DSCAM: variants seen among roughly 807,000 people sequenced by gnomAD.
The protein encoded by DSCAM is cell adhesion molecule DSCAM.
In DSCAM, 47 loss-of-function variants were observed where a neutral mutation model predicts 217.7. The observed-to-expected ratio is 0.22, with a 90% confidence interval of 0.17 to 0.28. The LOEUF (loss-of-function observed/expected upper bound fraction) is 0.28. DSCAM is among the 10% of genes least tolerant of loss of function. The pLI, the probability that DSCAM is intolerant of heterozygous loss-of-function variation, is 1.00. For synonymous variants in DSCAM, 1,056 were observed against 1,015.3 expected (o/e 1.04, Z -0.76); for missense variants, 2,080 against 2,618.3 (o/e 0.79, Z 4.49).
At chr21:40,392,765 A>C (rs937108324) in intron 3 of DSCAM, among the ~76,000 whole-genome samples, 2 of 152,208 alleles carry the variant, frequency 1.3e-5, no homozygotes, top group Admixed American at 6.5e-5. Context: ...ATAAAGGACC[A>C]AAGAGCAGTA....
chr21:40,415,196 A>G (rs1218229243), intron 3 of DSCAM, among the ~76,000 whole-genome samples: 2 of 152,218 alleles, frequency 1.3e-5, no homozygotes, highest in African/African-American at 4.8e-5. Flanking sequence ...AAAGCTCTGT[A>G]TTTATATTTA....
At chr21:40,577,514 C>T (rs2076862762) in intron 3 of DSCAM, among the ~76,000 whole-genome samples, 1 of 152,090 alleles carries the variant, frequency 6.6e-6, no homozygotes, top group Non-Finnish European at 1.5e-5. Context: ...GGCTCTCGCC[C>T]AGTGGCGTTA....
At chr21:40,298,995 C>A (rs1221563038) in intron 9 of DSCAM, among the ~76,000 whole-genome samples, 1 of 152,016 alleles carries the variant, frequency 6.6e-6, no homozygotes. Context: ...TACCCCGTAT[C>A]ATTGAAAACT....
At chr21:40,338,797 A>G (rs2123589739) in intron 7 of DSCAM, among the ~76,000 whole-genome samples, 1 of 152,320 alleles carries the variant, frequency 6.6e-6, no homozygotes, top group South Asian at 2.1e-4. Context: ...GTTTAATACC[A>G]TGTACATGAA....
At chr21:40,477,315 A>G (rs1379039293) in intron 3 of DSCAM, among the ~76,000 whole-genome samples, 1 of 152,190 alleles carries the variant, frequency 6.6e-6, no homozygotes, top group Non-Finnish European at 1.5e-5. Flanking sequence ...AAGAAAAGGA[A>G]AAGAAATAGG....
chr21:40,602,779 T>C (rs1483079861), intron 3 of DSCAM, among the ~76,000 whole-genome samples: 2 of 152,098 alleles, frequency 1.3e-5, no homozygotes, highest in Non-Finnish European at 2.9e-5. Flanking sequence ...AAGAACCAGA[T>C]TTTAGTTTTG....
chr21:40,165,626 A>C (rs1260957136), intron 16 of DSCAM, among the ~76,000 whole-genome samples: 1 of 152,228 alleles, frequency 6.6e-6, no homozygotes, highest in African/African-American at 2.4e-5. Flanking sequence ...AATGCCTTTT[A>C]AAGCCTCAGA....
At chr21:40,728,330 C>T (rs772340960) in intron 1 of DSCAM, among the ~76,000 whole-genome samples, 3 of 152,150 alleles carry the variant, frequency 2.0e-5, no homozygotes, top group Non-Finnish European at 2.9e-5. Flanking sequence ...ACTTCTTGAA[C>T]ACAAGACTGT....
At position 40,307,625 on chromosome 21, in the gene DSCAM, C is replaced by T. The variant is rs564901776; in HGVS notation, c.2062+4456G>A. ...TATAAATCATGCTGCTATAAAGACA[C>T]ATGCACACGTATGTTTATTGAGGCA... On this transcript the variant is annotated intron_variant, in intron 9 of 32. Transcript: ENST00000400454. 3.3e-5 allele frequency among the ~76,000 whole-genome samples: 5 copies of T among 152,280 alleles called. No individual in the cohort carries two copies. The East Asian group carries it at 5.8e-4, about 18-fold the overall frequency.
In DSCAM at chr21:40,415,977, G is replaced by A. The variant is rs115593166; in HGVS notation, c.509-46732C>T. Among the ~76,000 whole-genome samples the A allele has an allele frequency of 6.1e-3, 927 of 152,222 alleles. 9 individuals are homozygous for A. Among genetic ancestry groups the A allele is most frequent in the African/African-American group, 0.02 (835 of 41,514 alleles). On this transcript the variant is annotated intron_variant, in intron 3 of 32. Coordinates refer to ENST00000400454, the MANE Select transcript of DSCAM (RefSeq NM_001389.5). ...AAAGGTTGGGAACTACAGGCACACA[G>A]GATTACTTCAAACTTCCAAAATAGG...
chr21:40,719,530 A>G (rs2090879483), intron 1 of DSCAM, among the ~76,000 whole-genome samples: 1 of 152,256 alleles, frequency 6.6e-6, no homozygotes, highest in Admixed American at 6.5e-5. Flanking sequence ...ACGTTGTAAC[A>G]GTCACAAACT....
intron 1 of DSCAM, among the ~76,000 whole-genome samples, chr21:40,804,546 G>A (rs2091769516): frequency 6.6e-6 from 1 of 151,774 alleles, no homozygotes; most frequent in Non-Finnish European, 1.5e-5. Flanking sequence ...ACACCTTCCT[G>A]GAGAAGATGA....
At chr21:40,521,707 G>C (rs2076360554) in intron 3 of DSCAM, among the ~76,000 whole-genome samples, 1 of 152,134 alleles carries the variant, frequency 6.6e-6, no homozygotes, top group African/African-American at 2.4e-5. Context: ...GGGGTAAGGA[G>C]TAGGAATAGG....
At chr21:40,107,332 G>A (rs950471629) in intron 20 of DSCAM, among the ~76,000 whole-genome samples, 6 of 152,126 alleles carry the variant, frequency 3.9e-5, no homozygotes, top group Non-Finnish European at 7.4e-5. Flanking sequence ...GCTGTGGTCT[G>A]AGAGACTGTT....
chr21:40,629,405 C>T (rs955684553), intron 3 of DSCAM: 4 of 152,150 alleles, frequency 2.6e-5, no homozygotes, highest in African/African-American at 9.7e-5. Context: ...TCCAGTTAAA[C>T]GATACCCAAA....
intron 15 of DSCAM, among the ~76,000 whole-genome samples, chr21:40,168,914 A>G (rs776141687): frequency 6.6e-6 from 1 of 152,098 alleles, no homozygotes; most frequent in Non-Finnish European, 1.5e-5. Flanking sequence ...TTCTCTCTAT[A>G]TATAATGGGC....
At chr21:40,776,006 T>C (rs1390135521) in intron 1 of DSCAM, among the ~76,000 whole-genome samples, 2 of 152,190 alleles carry the variant, frequency 1.3e-5, no homozygotes, top group Non-Finnish European at 2.9e-5. Flanking sequence ...TTTTAGCCTG[T>C]TTCTTTATGA....
At chr21:40,252,490 G>A (rs987649137) in intron 11 of DSCAM, among the ~76,000 whole-genome samples, 1 of 152,084 alleles carries the variant, frequency 6.6e-6, no homozygotes, top group East Asian at 1.9e-4. Flanking sequence ...TCTTGAGTAG[G>A]AAAAAGAGAA....
At chr21:40,264,993 A>G (rs1329592089) in intron 11 of DSCAM, among the ~76,000 whole-genome samples, 1 of 152,178 alleles carries the variant, frequency 6.6e-6, no homozygotes, top group African/African-American at 2.4e-5. Flanking sequence ...GTTTGAGACC[A>G]GCTTGGCCAA....
Sources: gnomAD v4.1 joint callset for allele counts (sites outside exome capture counted in the v4.1 genomes callset) on GRCh38, gnomAD v4.1.1 for gene constraint, MANE v1.5 for transcripts, NCBI Gene and HGNC (gene_info 2026-07-23, HGNC 2026-07-21) for gene names.